The following VPS13A variants were observed in gnomAD, a reference collection of about 807,000 sequenced individuals.
VPS13A encodes intermembrane lipid transfer protein VPS13A.
A neutral mutation model predicts 390.9 loss-of-function variants in VPS13A; 264 were observed. The ratio of observed to expected loss-of-function variants is 0.68; its 90% CI spans 0.61 to 0.75. The LOEUF (loss-of-function observed/expected upper bound fraction) is 0.75, where lower values mean the gene tolerates loss of function less well. Ranked by LOEUF, VPS13A falls within the 30% of genes least tolerant of loss-of-function variation. The probability of loss-of-function intolerance (pLI) is 0.00; values close to 1 mark genes in which losing one functional copy is unlikely to be tolerated. For synonymous variants in VPS13A, 1,231 were observed against 1,227.1 expected (o/e 1.00, Z -0.07); for missense variants, 3,409 against 3,733.9 (o/e 0.91, Z 2.27).
chr9:77,379,143 G>A (rs1432916724), intron 67 of VPS13A, among the ~76,000 whole-genome samples: 3 of 139,900 alleles, frequency 2.1e-5, no homozygotes, highest in Non-Finnish European at 3.0e-5. Flanking sequence ...CGTGATTTTG[G>A]CTCACTGCAA....
At chr9:77,225,788 A>G (rs111400970) in intron 13 of VPS13A, 138 bp from the exon 14 acceptor site, 2 of 649,266 alleles carry the variant, frequency 3.1e-6, no homozygotes, top group African/African-American at 3.7e-5. Flanking sequence ...TAACATATGT[A>G]TTATATTGAT....
At position 77,345,031 on chromosome 9, in the gene VPS13A, T is replaced by G. The variant is rs1438574418; in HGVS notation, c.7178T>G (p.Val2393Gly). 6.2e-7 allele frequency: 1 copy of G among 1,612,580 alleles called. No homozygotes were observed. Among genetic ancestry groups the G allele is most frequent in the Non-Finnish European group, 8.5e-7 (1 of 1,179,872 alleles). Reference sequence around the variant, plus strand: ...TAGCTTGGAGGTATTATAGCAGAAGTGAATTTGGCCGAGCATTCTACAGTT... The same window carrying G: ...TAGCTTGGAGGTATTATAGCAGAAGGGAATTTGGCCGAGCATTCTACAGTT... ...DNELGGIIAEVNLAEHSTVIT... is the reference protein window; with the variant it reads ...DNELGGIIAEGNLAEHSTVIT... Residue 2393 changes from valine to glycine, a missense_variant, in exon 52 of 72, where the codon GTG becomes GGG. By Grantham distance (109) the Val-to-Gly change is moderately radical. Around this residue, in one of 5 missense-constraint regions of VPS13A, gnomAD observed 2,717 missense variants for 2,917.4 expected, o/e 0.93. Transcript: ENST00000360280.
intron 63 of VPS13A, 59 bp from the exon 64 acceptor site, chr9:77,370,198 C>T (rs1832671063): frequency 1.9e-6 from 3 of 1,579,364 alleles, no homozygotes; most frequent in Non-Finnish European, 2.6e-6. Context: ...TATCCGTAAG[C>T]TCATCTTTAA....
intron 33 of VPS13A, 134 bp from the exon 34 acceptor site, chr9:77,302,781 G>C: frequency 1.1e-6 from 1 of 939,252 alleles, no homozygotes; most frequent in East Asian, 2.7e-5. Flanking sequence ...AAGTCTGATA[G>C]ATATTTTCCC....
At chr9:77,257,914 A>T (rs1825542077) in intron 22 of VPS13A, among the ~76,000 whole-genome samples, 1 of 152,182 alleles carries the variant, frequency 6.6e-6, no homozygotes, top group Admixed American at 6.5e-5. Context: ...ATTATTTCTT[A>T]TGCATTTGTC....
At chr9:77,257,286 G>C (rs969517216) in intron 22 of VPS13A, among the ~76,000 whole-genome samples, 1 of 152,088 alleles carries the variant, frequency 6.6e-6, no homozygotes, top group African/African-American at 2.4e-5. Flanking sequence ...CTAGGCTAGA[G>C]AACAGTGTTG....
At chr9:77,338,180 A>G (rs994888021) in intron 47 of VPS13A, 3 of 152,016 alleles carry the variant, frequency 2.0e-5, no homozygotes, top group East Asian at 1.9e-4. Flanking sequence ...GGGACTCACT[A>G]TGGCTTGTCT....
At chr9:77,215,435 A>G (rs1822805093) in intron 10 of VPS13A, among the ~76,000 whole-genome samples, 1 of 152,192 alleles carries the variant, frequency 6.6e-6, no homozygotes, top group Non-Finnish European at 1.5e-5. Context: ...TTCAGAACAG[A>G]TGAGTTATCT....
At chr9:77,377,386 A>G (rs1391640025) in intron 67 of VPS13A, among the ~76,000 whole-genome samples, 4 of 151,252 alleles carry the variant, frequency 2.6e-5, no homozygotes, top group Non-Finnish European at 5.9e-5. Flanking sequence ...CGCCCGGCTA[A>G]TTTTTTGTAT....
intron 1 of VPS13A, among the ~76,000 whole-genome samples, chr9:77,185,195 G>A (rs11145324): frequency 4.0e-4 from 60 of 151,490 alleles, no homozygotes; most frequent in African/African-American, 1.4e-3. Context: ...AGGCTGGAGT[G>A]CGGTGGCGCA....
chr9:77,242,808 A>C (rs1047790662), intron 19 of VPS13A, among the ~76,000 whole-genome samples: 2 of 151,990 alleles, frequency 1.3e-5, no homozygotes, highest in African/African-American at 4.8e-5. Context: ...AAATATCCAC[A>C]ATATAAAGTT....
chr9:77,410,207 T>C (rs1207896970), intron 71 of VPS13A, among the ~76,000 whole-genome samples: 1 of 151,968 alleles, frequency 6.6e-6, no homozygotes, highest in African/African-American at 2.4e-5. Flanking sequence ...GCTCCATAAG[T>C]GAAGGAGAAA....
chr9:77,380,895 C>T (rs890342765), intron 67 of VPS13A, among the ~76,000 whole-genome samples: 34 of 152,178 alleles, frequency 2.2e-4, no homozygotes, highest in African/African-American at 7.0e-4. Context: ...GCTGATATGA[C>T]AGGAGGTGGA....
Position 77,405,940 on chromosome 9 carries a change from A to G in VPS13A, c.9352A>G (p.Lys3118Glu). 2 of 1,613,994 alleles carry G rather than the reference A, an allele frequency of 1.2e-6. No homozygotes were observed. The highest frequency in any genetic ancestry group is 1.7e-6 in the Non-Finnish European group (2 of 1,179,998). ...EWQYSFDEFT[K>E]EPFIVHGRRL... ...GCAGTATAGTTTTGATGAATTTACC[A>G]AAGAGCCATTCATTGTTCATGGGAG... Residue 3118 changes from lysine to glutamate, a missense_variant, in exon 70 of 72, where the codon AAA becomes GAA. Transcript: ENST00000360280.
chr9:77,321,915 C>G (rs1829772731), intron 44 of VPS13A, among the ~76,000 whole-genome samples, 169 bp downstream of exon 44: 1 of 151,778 alleles, frequency 6.6e-6, no homozygotes, highest in Non-Finnish European at 1.5e-5. Context: ...TTTGCAGTGT[C>G]TTGGTTACTA....
chr9:77,351,516 G>T (rs1831466130), intron 53 of VPS13A, 70 bp downstream of exon 53: 1 of 1,571,542 alleles, frequency 6.4e-7, no homozygotes, highest in Non-Finnish European at 8.7e-7. Context: ...GGGTGCGGTG[G>T]CTCACGCCTG....
chr9:77,263,278 T>C lies in VPS13A; in HGVS notation c.2427+3054T>C, dbSNP rs1302230785. On this transcript the variant is annotated intron_variant, in intron 23 of 71. Coordinates refer to ENST00000360280, the MANE Select transcript of VPS13A (RefSeq NM_033305.3). Reference sequence around the variant, plus strand: ...CTCACCACCACGCCCAGCTAATTTTTTTGTATTTTTAGTAGAGATGGGGTT... The same window carrying C: ...CTCACCACCACGCCCAGCTAATTTTCTTGTATTTTTAGTAGAGATGGGGTT... 3.9e-5 allele frequency among the ~76,000 whole-genome samples: 6 copies of C among 151,988 alleles called. No individual in the cohort carries two copies. The East Asian group carries it at 5.8e-4, about 15-fold the overall frequency.
intron 68 of VPS13A, among the ~76,000 whole-genome samples, chr9:77,386,829 TC>T (rs1833707990): frequency 6.6e-6 from 1 of 151,966 alleles, no homozygotes; most frequent in Admixed American, 6.6e-5. Flanking sequence ...TGCCTCAGCC[TC>T]CTGAGTAGCT....
At chr9:77,368,007 C>T (rs1437462043) in intron 61 of VPS13A, 48 bp from the exon 62 acceptor site, 3 of 1,494,674 alleles carry the variant, frequency 2.0e-6, no homozygotes, top group South Asian at 2.4e-5. Flanking sequence ...ATTAAAAATA[C>T]TTTCTTCATA....
Sources: allele counts gnomAD v4.1 joint callset (sites outside exome capture counted in the v4.1 genomes callset), GRCh38; gene constraint gnomAD v4.1.1; regional missense constraint gnomAD v4.1.1; transcripts MANE v1.5; gene names NCBI Gene and HGNC (gene_info 2026-07-23, HGNC 2026-07-21).